SLC44A4: variants seen among roughly 807,000 people sequenced by gnomAD.
SLC44A4 encodes solute carrier family 44 member 4.
Under a neutral mutation model 97.0 loss-of-function variants are expected in SLC44A4, and 74 were observed. The observed-to-expected ratio is 0.76, with a 90% CI of 0.63 to 0.93. SLC44A4 has a LOEUF of 0.93. Ranked by LOEUF, SLC44A4 falls within the 40% of genes least tolerant of loss-of-function variation. The pLI is 0.00. For synonymous variants in SLC44A4, 325 were observed against 363.8 expected (o/e 0.89, Z 1.21); for missense variants, 799 against 902.9 (o/e 0.88, Z 1.48).
intron 4 of SLC44A4, 93 bp downstream of exon 4, chr6:31,875,759 C>T: frequency 1.7e-6 from 2 of 1,149,956 alleles, no homozygotes; most frequent in Non-Finnish European, 1.3e-6. Context: ...TGTGGAAGAG[C>T]ACGGACAGGT....
rs749837106 is a variant in SLC44A4 at position 31,878,926 on chromosome 6, T to TCGCCCCAGTCTCAC, written c.40+1_40+14dup. On this transcript the variant is annotated intron_variant, in intron 1 of 20. Coordinates refer to ENST00000229729, the MANE Select transcript of SLC44A4 (RefSeq NM_025257.3). The surrounding 1 kb of genome is among the most constrained non-coding windows in gnomAD (Gnocchi z 4.0). The stretch of plus-strand genomic sequence containing the variant: ...CCCTCCCTCCACAGGGTCCCGGGCC[T>TCGCCCCAGTCTCAC]CGCCCCAGTCTCACCGTAGGCCTCG... The TCGCCCCAGTCTCAC allele has an allele frequency of 6.2e-7, 1 of 1,613,698 alleles. No individual in the cohort carries two copies. The highest frequency in any genetic ancestry group is 8.5e-7 in the Non-Finnish European group (1 of 1,179,830).
chr6:31,869,164 G>A lies in SLC44A4; in HGVS notation c.1224C>T (p.Cys408=), dbSNP rs752152514. Reference sequence around the variant, plus strand: ...CCCTGCTTCCTCTTACCGTGGGGTTGCATGATGTATTTATTGGCACTTTCT... The same window carrying A: ...CCCTGCTTCCTCTTACCGTGGGGTTACATGATGTATTTATTGGCACTTTCT... The part of the protein sequence containing the change: ...GCEKVPINTS[C]NPTAHLVNSS... Residue 408 remains cysteine, a synonymous_variant, in exon 13 of 21, where the codon TGC becomes TGT. Transcript: ENST00000229729. 2 of 1,607,612 alleles carry A rather than the reference G, an allele frequency of 1.2e-6. No individual in the cohort carries two copies. The highest frequency in any genetic ancestry group is 1.7e-6 in the Non-Finnish European group (2 of 1,177,236).
intron 9 of SLC44A4, 108 bp from the exon 10 acceptor site, chr6:31,871,155 GC>G: frequency 7.9e-7 from 1 of 1,267,196 alleles, no homozygotes; most frequent in Non-Finnish European, 1.1e-6. Context: ...CCCAGATTAG[GC>G]CTCTTTCCCT....
At chr6:31,873,899 C>A (rs1763305490) in intron 7 of SLC44A4, among the ~76,000 whole-genome samples, 1 of 151,666 alleles carries the variant, frequency 6.6e-6, no homozygotes, top group Non-Finnish European at 1.5e-5. Context: ...ATAGTGAAAC[C>A]CCGTCTCTAC....
rs755905243 is a variant in SLC44A4, at chr6:31,874,751, G to T, written c.438C>A (p.Asn146Lys). ...TCCAGGGTACCCCTGGCAGACAAAA[G>T]TTCCTGTTTTTTGTATAGAAGACTT... is the stretch of plus-strand genomic sequence containing the variant. ...VGEVFYTKNRNFCLPGVPWNM... is the reference protein window; with the variant it reads ...VGEVFYTKNRKFCLPGVPWNM... The change falls in exon 6 of 21, where the codon AAC becomes AAA. Residue 146 changes from asparagine to lysine, a missense_variant. Around this residue, in one of 3 missense-constraint regions of SLC44A4, gnomAD observed 409 missense variants for 434.1 expected, o/e 0.94. Transcript: ENST00000229729. The surrounding 1 kb of genome is among the most constrained non-coding windows in gnomAD (Gnocchi z 4.8). The T allele has an allele frequency of 2.5e-6, 4 of 1,613,716 alleles. No homozygotes were observed. In the South Asian group the frequency reaches 4.4e-5, roughly 18 times the overall value.
chr6:31,874,751 G>C lies in SLC44A4; in HGVS notation c.438C>G (p.Asn146Lys), dbSNP rs755905243. The C allele has an allele frequency of 1.9e-6, 3 of 1,613,718 alleles. No individual in the cohort carries two copies. The East Asian group carries it at 6.7e-5, about 36-fold the overall frequency. Residue 146 changes from asparagine (N) to lysine (K), a missense_variant, in exon 6 of 21, where the codon AAC (asparagine) becomes AAG (lysine). Around this residue, in one of 3 missense-constraint regions of SLC44A4, gnomAD observed 409 missense variants for 434.1 expected, o/e 0.94. Transcript: ENST00000229729. The surrounding 1 kb of genome is among the most constrained non-coding windows in gnomAD (Gnocchi z 4.8). Reference sequence around the variant, plus strand: ...TCCAGGGTACCCCTGGCAGACAAAAGTTCCTGTTTTTTGTATAGAAGACTT... The same window carrying C: ...TCCAGGGTACCCCTGGCAGACAAAACTTCCTGTTTTTTGTATAGAAGACTT... Reference protein sequence around the residue: ...VGEVFYTKNRNFCLPGVPWNM... With the variant: ...VGEVFYTKNRKFCLPGVPWNM...
Position 31,874,407 on chromosome 6 carries a change from C to T in SLC44A4, c.529+53G>A. 2 of 1,581,842 alleles carry T rather than the reference C, an allele frequency of 1.3e-6. No homozygotes were observed. The highest frequency in any genetic ancestry group is 1.7e-6 in the Non-Finnish European group (2 of 1,152,058). ...TCTGGGCCTGATTTCTTCATTCAAG[C>T]AATGAAAACACTGGACTAGATGACG... On this transcript the variant is annotated intron_variant, in intron 7 of 20. Coordinates refer to ENST00000229729, the MANE Select transcript of SLC44A4 (RefSeq NM_025257.3). The surrounding 1 kb of genome is among the most constrained non-coding windows in gnomAD (Gnocchi z 4.8).
In SLC44A4 at chr6:31,863,680, T is replaced by A. The variant is rs1399206589; in HGVS notation, c.2080A>T (p.Ile694Phe). Reference sequence around the variant, plus strand: ...GGCGCCTCGTTCTTCTTGCCCAGAATCTTTAGAAGGCTCTTGGACATGTAG... The same window carrying A: ...GGCGCCTCGTTCTTCTTGCCCAGAAACTTTAGAAGGCTCTTGGACATGTAG... ...PYYMSKSLLK[I>F]LGKKNEAPPD... The change falls in exon 21 of 21, where the codon ATT becomes TTT. Residue 694 changes from isoleucine to phenylalanine, a missense_variant. Physicochemically the swap from Ile to Phe is conservative, Grantham distance 21. This residue lies in a region of SLC44A4 where 379 missense variants were observed against 438.3 expected (regional missense o/e 0.86). Transcript: ENST00000229729. 6.2e-7 allele frequency: 1 copy of A among 1,612,274 alleles called. No homozygotes were observed.
Position 31,876,232 on chromosome 6 carries a change from A to G in SLC44A4, c.90-103T>C, listed in dbSNP as rs113659066. 36 of 793,466 alleles carry G rather than the reference A, an allele frequency of 4.5e-5. No homozygotes were observed. The African/African-American group carries it at 6.0e-4, about 13-fold the overall frequency. 49.2% of individuals were successfully genotyped at this position (793,466 alleles called of 1,614,324 possible). On this transcript the variant is annotated intron_variant, in intron 2 of 20. Coordinates refer to ENST00000229729, the MANE Select transcript of SLC44A4 (RefSeq NM_025257.3). The surrounding 1 kb of genome is among the most constrained non-coding windows in gnomAD (Gnocchi z 4.8). ...TTAGAGAGTTGGGTGATGCTGCAGC[A>G]TGGGCATCAGTAGGCTTTATTTTTA...
intron 18 of SLC44A4, 32 bp from the exon 19 acceptor site, chr6:31,864,942 C>T (rs1350043392): frequency 6.2e-7 from 1 of 1,613,740 alleles, no homozygotes; most frequent in Non-Finnish European, 8.5e-7. Context: ...TAGTGCTGCA[C>T]CTCTGAGGCC....
In SLC44A4 at chr6:31,875,310, T is replaced by A. The variant is rs562929176; in HGVS notation, c.243-282A>T. 3.3e-5 allele frequency among the ~76,000 whole-genome samples: 5 copies of A among 152,328 alleles called. No homozygotes were observed. In the South Asian group the frequency reaches 1.0e-3, roughly 32 times the overall value. ...TTATGATCTTGAGCAAGTCACCTGT[T>A]CTCGGTCTTAGTTCTACTCCATATA... On this transcript the variant is annotated intron_variant, in intron 4 of 20. Coordinates refer to ENST00000229729, the MANE Select transcript of SLC44A4 (RefSeq NM_025257.3).
At chr6:31,866,166 G>A (rs746159395) in intron 13 of SLC44A4, 40 bp from the exon 14 acceptor site, 1 of 1,605,202 alleles carries the variant, frequency 6.2e-7, no homozygotes, top group Non-Finnish European at 8.5e-7. Flanking sequence ...TCAGGCATCG[G>A]GGGCCTCAGT....
intron 20 of SLC44A4, chr6:31,864,387 A>G (rs1762720566): frequency 3.5e-6 from 2 of 570,614 alleles, no homozygotes; most frequent in African/African-American, 1.9e-5. Context: ...CTAATGGCTA[A>G]CTTCTACCCG....
Position 31,874,752 on chromosome 6 carries a change from T to A in SLC44A4, c.437A>T (p.Asn146Ile), listed in dbSNP as rs1224238109. 6.2e-7 allele frequency: 1 copy of A among 1,613,700 alleles called. No individual in the cohort carries two copies. The highest frequency in any genetic ancestry group is 1.7e-5 in the Admixed American group (1 of 59,962). The change falls in exon 6 of 21, where the codon AAC (asparagine) becomes ATC (isoleucine). Residue 146 changes from asparagine (N) to isoleucine (I), a missense_variant. Transcript: ENST00000229729. This position sits in a 1 kb window ranked among gnomAD's most constrained non-coding sequence, Gnocchi z 4.8. The part of the protein sequence containing the change: ...VGEVFYTKNR[N>I]FCLPGVPWNM... ...CCAGGGTACCCCTGGCAGACAAAAG[T>A]TCCTGTTTTTTGTATAGAAGACTTC... is the stretch of plus-strand genomic sequence containing the variant.
Position 31,874,667 on chromosome 6 carries a change from G to T in SLC44A4, c.468+54C>A. 1 of 1,569,218 alleles carries T rather than the reference G, an allele frequency of 6.4e-7. No homozygotes were observed. The highest frequency in any genetic ancestry group is 8.6e-7 in the Non-Finnish European group (1 of 1,158,008). ...ATCTACCCAACTCCCCCTCCCTCTC[G>T]TGCCCACCCTGGCCCTTCTGGGCGA... On this transcript the variant is annotated intron_variant, in intron 6 of 20. Coordinates refer to ENST00000229729, the MANE Select transcript of SLC44A4 (RefSeq NM_025257.3). This position sits in a 1 kb window ranked among gnomAD's most constrained non-coding sequence, Gnocchi z 4.8.
At chr6:31,864,009 G>A (rs1172479159) in intron 20 of SLC44A4, among the ~76,000 whole-genome samples, 2 of 151,928 alleles carry the variant, frequency 1.3e-5, no homozygotes, top group South Asian at 2.1e-4. Flanking sequence ...ATGCTGTAGA[G>A]TAAGAAAATC....
chr6:31,871,945 C>T (rs1464366335), intron 7 of SLC44A4, among the ~76,000 whole-genome samples: 1 of 152,150 alleles, frequency 6.6e-6, no homozygotes, highest in East Asian at 1.9e-4. Context: ...AGACAGCATC[C>T]ACACTCCCTG....
In SLC44A4 at chr6:31,871,462, G is replaced by T. The variant is rs555217370; in HGVS notation, c.617+12C>A. On this transcript the variant is annotated intron_variant, in intron 8 of 20. Transcript: ENST00000229729. ...GGGGTGTGGCCAGGATGTGGGGGAG[G>T]GAGGTGCCTACCTGATCCCCTGCTG... 3 of 1,613,762 alleles carry T rather than the reference G, an allele frequency of 1.9e-6. No individual in the cohort carries two copies. In the South Asian group the frequency reaches 3.3e-5, roughly 18 times the overall value.
rs1267971404 is a variant in SLC44A4, at chr6:31,865,264, G to C, written c.1760+51C>G. 4.4e-6 allele frequency: 7 copies of C among 1,603,676 alleles called. No homozygotes were observed. Among genetic ancestry groups the C allele is most frequent in the Non-Finnish European group, 6.0e-6 (7 of 1,170,808 alleles). ...ACAGCACACCCACGAAGCCAGCCTT[G>C]GGTGGGAGATCAGAGGAGGGAGCCA... On this transcript the variant is annotated intron_variant, in intron 17 of 20. Transcript: ENST00000229729. The surrounding 1 kb of genome is among the most constrained non-coding windows in gnomAD (Gnocchi z 5.2).
Sources: gnomAD v4.1 joint callset for allele counts (sites outside exome capture counted in the v4.1 genomes callset) on GRCh38, gnomAD v4.1.1 for gene constraint, gnomAD v4.1.1 regional missense constraint, Gnocchi (gnomAD v3.1) non-coding constraint, MANE v1.5 for transcripts, NCBI Gene and HGNC (gene_info 2026-07-23, HGNC 2026-07-21) for gene names.